The following ALCAM variants were observed in gnomAD, a reference collection of about 807,000 sequenced individuals.
ALCAM encodes CD166 antigen.
In ALCAM, 30 loss-of-function variants were observed where a neutral mutation model predicts 70.9. The ratio of observed to expected loss-of-function variants is 0.42; its 90% CI spans 0.32 to 0.57. ALCAM has a LOEUF of 0.57. Among genes scored for constraint, ALCAM ranks in the 20% least tolerant of loss-of-function variants. The pLI is 0.11. For synonymous variants in ALCAM, 249 were observed against 242.5 expected, an observed-to-expected ratio of 1.03 and a Z score of -0.25; for missense variants, 591 against 695.1, an observed-to-expected ratio of 0.85 and a Z score of 1.68.
intron 9 of ALCAM, among the ~76,000 whole-genome samples, chr3:105,546,174 A>G (rs1940242424): frequency 1.3e-5 from 2 of 151,054 alleles, no homozygotes; most frequent in African/African-American, 4.8e-5. Context: ...ATTTGTTACC[A>G]GAGCATGACA....
chr3:105,532,800 G>C (rs67408187), intron 4 of ALCAM, among the ~76,000 whole-genome samples: 46,103 of 151,962 alleles, frequency 0.3, 7,807 homozygotes, highest in East Asian at 0.54. Context: ...GATGAATCTG[G>C]AGAGGCAAAG....
chr3:105,552,954 G>A, intron 14 of ALCAM: 2 of 1,038,436 alleles, frequency 1.9e-6, no homozygotes, highest in Non-Finnish European at 2.3e-6. Context: ...ACATCTTGTA[G>A]GGACTGCCAG....
chr3:105,470,132 T>TATACAC (rs142623980), intron 1 of ALCAM, among the ~76,000 whole-genome samples: 1,468 of 145,794 alleles, frequency 0.01, 23 homozygotes, highest in African/African-American at 0.031. Context: ...GTTATATACA[T>TATACAC]ACACACACAC....
At chr3:105,518,710 A>G (rs1939447950) in intron 1 of ALCAM, among the ~76,000 whole-genome samples, 1 of 152,108 alleles carries the variant, frequency 6.6e-6, no homozygotes, top group Admixed American at 6.6e-5. Flanking sequence ...ATGATAAGCA[A>G]TTTGAAGTAA....
rs1161225589 is a variant in ALCAM at position 105,394,837 on chromosome 3, T to G, written c.73+27356T>G. The stretch of plus-strand genomic sequence containing the variant: ...AACCAATGACTATATTTTGGGAAAT[T>G]TTTTAGATAATTCAGTAGCTTACAC... On this transcript the variant is annotated intron_variant, in intron 1 of 15. Coordinates refer to ENST00000306107, the MANE Select transcript of ALCAM (RefSeq NM_001627.4). 5.3e-5 allele frequency among the ~76,000 whole-genome samples: 8 copies of G among 152,026 alleles called. No individual in the cohort carries two copies. The East Asian group carries it at 9.7e-4, about 18-fold the overall frequency.
intron 1 of ALCAM, among the ~76,000 whole-genome samples, chr3:105,477,217 A>C (rs900009584): frequency 1.3e-5 from 2 of 152,222 alleles, no homozygotes; most frequent in African/African-American, 4.8e-5. Context: ...ATTCCCTTTT[A>C]TATTTACCCA....
At chr3:105,533,575 G>T in intron 4 of ALCAM, 28 bp from the exon 5 acceptor site, 1 of 1,597,014 alleles carries the variant, frequency 6.3e-7, no homozygotes, top group Non-Finnish European at 8.6e-7. Flanking sequence ...TTGAACCAAG[G>T]TAATAACATT....
intron 1 of ALCAM, among the ~76,000 whole-genome samples, chr3:105,390,464 A>C (rs1935788772): frequency 6.6e-6 from 1 of 151,734 alleles, no homozygotes; most frequent in Admixed American, 6.6e-5. Flanking sequence ...TTTTCTTGTA[A>C]ATTTCTTTAA....
At chr3:105,567,146 A>G (rs1940760382) in intron 14 of ALCAM, among the ~76,000 whole-genome samples, 1 of 152,132 alleles carries the variant, frequency 6.6e-6, no homozygotes, top group Admixed American at 6.5e-5. Flanking sequence ...CTCCTGAACA[A>G]ATTTTCTGTG....
intron 1 of ALCAM, among the ~76,000 whole-genome samples, chr3:105,455,082 T>C (rs1937516921): frequency 6.6e-6 from 1 of 152,160 alleles, no homozygotes; most frequent in African/African-American, 2.4e-5. Context: ...ATAATACTTA[T>C]TCTAAAATGT....
rs151020260 is a variant in ALCAM at position 105,452,142 on chromosome 3, G to A, written c.74-67925G>A. On this transcript the variant is annotated intron_variant, in intron 1 of 15. Transcript: ENST00000306107. ...AAAAAAGGATACATGTGCAGAATGT[G>A]CAGGTTTGTTACATAGGTATACATG... Among the ~76,000 whole-genome samples, 1,289 of 150,978 alleles carry A rather than the reference G, an allele frequency of 8.5e-3. 11 individuals carry two copies. Among genetic ancestry groups the A allele is most frequent in the South Asian group, 0.018 (87 of 4,748 alleles).
At chr3:105,460,154 G>A (rs1413957695) in intron 1 of ALCAM, among the ~76,000 whole-genome samples, 1 of 151,950 alleles carries the variant, frequency 6.6e-6, no homozygotes, top group African/African-American at 2.4e-5. Context: ...TGTGCATGCA[G>A]AAAGGTTATG....
chr3:105,407,465 A>G (rs1338617473), intron 1 of ALCAM, among the ~76,000 whole-genome samples: 1 of 152,170 alleles, frequency 6.6e-6, no homozygotes, highest in Non-Finnish European at 1.5e-5. Flanking sequence ...ATTAACAACA[A>G]AAATCACATG....
At position 105,499,028 on chromosome 3, in the gene ALCAM, G is replaced by GAT. The variant is rs569746704; in HGVS notation, c.74-21035_74-21034dup. 1.1e-3 allele frequency among the ~76,000 whole-genome samples: 173 copies of GAT among 152,118 alleles called. 1 individual carries two copies. The highest frequency in any genetic ancestry group is 4.0e-3 in the African/African-American group (164 of 41,496). On this transcript the variant is annotated intron_variant, in intron 1 of 15. Transcript: ENST00000306107. ...GATGTATTTTTTCAGCAATACAAAG[G>GAT]ATATAACTTATCTCACCTTTCTTTA...
intron 1 of ALCAM, among the ~76,000 whole-genome samples, chr3:105,448,003 A>G (rs1471745080): frequency 6.6e-6 from 1 of 152,210 alleles, no homozygotes; most frequent in Non-Finnish European, 1.5e-5. Flanking sequence ...CTGCAATTGG[A>G]TGTGTTTAAC....
At chr3:105,562,759 A>G (rs1576243441) in intron 14 of ALCAM, among the ~76,000 whole-genome samples, 1 of 152,296 alleles carries the variant, frequency 6.6e-6, no homozygotes, top group African/African-American at 2.4e-5. Flanking sequence ...AGTTTTCTTT[A>G]TGAGAACTTG....
chr3:105,554,513 G>A (rs1255696560), intron 14 of ALCAM, among the ~76,000 whole-genome samples: 1 of 151,966 alleles, frequency 6.6e-6, no homozygotes, highest in Non-Finnish European at 1.5e-5. Context: ...GACACAGCCA[G>A]AATAATGTTT....
chr3:105,456,854 G>A (rs577352519), intron 1 of ALCAM, among the ~76,000 whole-genome samples: 2 of 152,272 alleles, frequency 1.3e-5, no homozygotes, highest in African/African-American at 2.4e-5. Context: ...CTCTAGTTAG[G>A]CAAGTTTTCT....
At chr3:105,385,529 C>T (rs920915160) in intron 1 of ALCAM, among the ~76,000 whole-genome samples, 3 of 151,612 alleles carry the variant, frequency 2.0e-5, no homozygotes, top group African/African-American at 4.8e-5. Context: ...TTTGCCATGA[C>T]GCTTAATTGA....
Sources: gnomAD v4.1 joint callset for allele counts (sites outside exome capture counted in the v4.1 genomes callset) on GRCh38, gnomAD v4.1.1 for gene constraint, MANE v1.5 for transcripts, NCBI Gene and HGNC (gene_info 2026-07-23, HGNC 2026-07-21) for gene names.